The following PCDH15 variants were observed in gnomAD, a reference collection of about 807,000 sequenced individuals.
PCDH15 encodes the protein protocadherin related 15, also known as protocadherin-15.
A neutral mutation model predicts 178.5 loss-of-function variants in PCDH15; 129 were observed. The observed-to-expected ratio is 0.72, with a 90% CI of 0.63 to 0.84. PCDH15 has a LOEUF of 0.84. PCDH15 is among the 40% of genes least tolerant of loss of function. The pLI, the probability that PCDH15 is intolerant of heterozygous loss-of-function variation, is 0.00. For missense variants in PCDH15, 2,230 were observed against 2,099.9 expected (o/e 1.06, Z -1.21); for synonymous variants, 800 against 732.0 (o/e 1.09, Z -1.50).
chr10:55,047,612 A>G (rs1462607911), intron 2 of PCDH15, among the ~76,000 whole-genome samples: 1 of 151,856 alleles, frequency 6.6e-6, no homozygotes, highest in African/African-American at 2.4e-5. Context: ...TAAGGTTTGG[A>G]GAGATGCAAG....
At chr10:55,500,045 AAG>A (rs1840620942) in intron 2 of PCDH15, among the ~76,000 whole-genome samples, 2 of 151,904 alleles carry the variant, frequency 1.3e-5, no homozygotes, top group African/African-American at 2.4e-5. Flanking sequence ...GTTAGCTAAA[AAG>A]AGTCATATGA....
intron 2 of PCDH15, among the ~76,000 whole-genome samples, chr10:55,035,992 TG>T (rs1043135055): frequency 2.6e-5 from 4 of 152,176 alleles, no homozygotes; most frequent in Non-Finnish European, 4.4e-5. Context: ...GGTTTGAATG[TG>T]TCCCCCCAAA....
At chr10:55,562,004 C>T (rs2132100023) in intron 2 of PCDH15, among the ~76,000 whole-genome samples, 1 of 152,020 alleles carries the variant, frequency 6.6e-6, no homozygotes, top group East Asian at 1.9e-4. Context: ...AAAGCTTCTA[C>T]AGTTGTGCTT....
At chr10:54,844,769 C>T (rs1348166241) in intron 3 of PCDH15, among the ~76,000 whole-genome samples, 1 of 151,890 alleles carries the variant, frequency 6.6e-6, no homozygotes, top group Non-Finnish European at 1.5e-5. Flanking sequence ...AGTTTATGAA[C>T]TTTGGGAGAA....
At chr10:54,250,595 T>C (rs1049371078) in intron 8 of PCDH15, among the ~76,000 whole-genome samples, 12 of 152,148 alleles carry the variant, frequency 7.9e-5, no homozygotes, top group Non-Finnish European at 7.3e-5. Flanking sequence ...TTACATTTTT[T>C]AACACAGGTT....
chr10:55,073,477 T>C (rs1481108287), intron 2 of PCDH15, among the ~76,000 whole-genome samples: 2 of 152,124 alleles, frequency 1.3e-5, no homozygotes, highest in Non-Finnish European at 2.9e-5. Context: ...GAGAGCCAAA[T>C]CATGAGTGAA....
intron 2 of PCDH15, among the ~76,000 whole-genome samples, chr10:54,954,421 C>T (rs554573314): frequency 6.6e-6 from 1 of 151,140 alleles, no homozygotes; most frequent in Non-Finnish European, 1.5e-5. Context: ...TAGCATTATC[C>T]TACATGTAAT....
intron 1 of PCDH15, among the ~76,000 whole-genome samples, chr10:54,701,674 A>T (rs1360735339): frequency 6.6e-6 from 1 of 152,128 alleles, no homozygotes; most frequent in East Asian, 1.9e-4. Flanking sequence ...GAAAAAACAG[A>T]GTTTAAACAC....
intron 1 of PCDH15, among the ~76,000 whole-genome samples, chr10:54,678,675 T>A (rs893560213): frequency 2.0e-5 from 3 of 152,188 alleles, no homozygotes; most frequent in Non-Finnish European, 4.4e-5. Context: ...ATTTTAGATA[T>A]TGGTTACCAC....
At chr10:55,190,090 CA>C (rs1839903091) in intron 1 of PCDH15, among the ~76,000 whole-genome samples, 1 of 151,680 alleles carries the variant, frequency 6.6e-6, no homozygotes, top group African/African-American at 2.4e-5. Context: ...TACAGATACA[CA>C]AAGCATAAAT....
chr10:54,600,444 C>T (rs2092469438), intron 2 of PCDH15: 4 of 578,748 alleles, frequency 6.9e-6, no homozygotes, highest in Non-Finnish European at 1.4e-5. Flanking sequence ...TAGACTTAAG[C>T]CCAGCAGATG....
intron 2 of PCDH15, among the ~76,000 whole-genome samples, chr10:55,021,780 C>T (rs7906624): frequency 0.014 from 2,133 of 152,104 alleles, 50 homozygotes; most frequent in African/African-American, 0.048. Flanking sequence ...AAGAACATAC[C>T]GTCACTTGTG....
chr10:54,353,661 T>C (rs1183574530), intron 5 of PCDH15, among the ~76,000 whole-genome samples: 1 of 151,716 alleles, frequency 6.6e-6, no homozygotes, highest in East Asian at 1.9e-4. Context: ...GTTTTTTTTG[T>C]TTGTCCTTGG....
chr10:54,056,577 T>A (rs2093893091), intron 18 of PCDH15, among the ~76,000 whole-genome samples: 1 of 152,088 alleles, frequency 6.6e-6, no homozygotes, highest in African/African-American at 2.4e-5. Context: ...ATGATTCAAT[T>A]ATCTTCACCT....
At position 54,298,108 on chromosome 10, in the gene PCDH15, A is replaced by G. The variant is rs1440552432; in HGVS notation, c.876+19163T>C. On this transcript the variant is annotated intron_variant, in intron 8 of 37. Coordinates refer to ENST00000644397, the MANE Select transcript of PCDH15 (RefSeq NM_001384140.1). Reference sequence around the variant, plus strand: ...AGGAGAATTAGGAAAAAGCCCATGAATTATTCAATGATGTCCACCATAACT... The same window carrying G: ...AGGAGAATTAGGAAAAAGCCCATGAGTTATTCAATGATGTCCACCATAACT... 2.0e-5 allele frequency among the ~76,000 whole-genome samples: 3 copies of G among 152,126 alleles called. No homozygotes were observed. In the East Asian group the frequency reaches 5.8e-4, roughly 29 times the overall value.
intron 15 of PCDH15, among the ~76,000 whole-genome samples, chr10:54,091,048 C>T (rs187802734): frequency 1.5e-4 from 23 of 152,224 alleles, no homozygotes; most frequent in East Asian, 7.7e-4. Context: ...CTTTGAGTTC[C>T]GAGTTTCTCT....
intron 2 of PCDH15, among the ~76,000 whole-genome samples, chr10:55,549,532 G>A (rs1193845121): frequency 6.6e-6 from 1 of 152,152 alleles, no homozygotes; most frequent in Non-Finnish European, 1.5e-5. Context: ...ACCACCAACA[G>A]CACAGGGAAA....
chr10:54,187,282 G>C (rs2048559314), intron 11 of PCDH15, among the ~76,000 whole-genome samples: 1 of 151,728 alleles, frequency 6.6e-6, no homozygotes, highest in South Asian at 2.1e-4. Context: ...CGTAACCTCT[G>C]TTAATAAATT....
At chr10:54,231,794 C>A (rs574220530) in intron 9 of PCDH15, among the ~76,000 whole-genome samples, 4 of 152,202 alleles carry the variant, frequency 2.6e-5, no homozygotes, top group Non-Finnish European at 5.9e-5. Context: ...TGACTGCCCT[C>A]CTGGGTTTTG....
Sources: gnomAD v4.1 joint callset for allele counts (sites outside exome capture counted in the v4.1 genomes callset) on GRCh38, gnomAD v4.1.1 for gene constraint, MANE v1.5 for transcripts, NCBI Gene and HGNC (gene_info 2026-07-23, HGNC 2026-07-21) for gene names.